VDAC1: variants seen among roughly 807,000 people sequenced by gnomAD.
VDAC1 encodes voltage dependent anion channel 1, also known as non-selective voltage-gated ion channel VDAC1.
A neutral mutation model predicts 34.7 loss-of-function variants in VDAC1; 10 were observed. The ratio of observed to expected loss-of-function variants is 0.29; its 90% CI spans 0.18 to 0.49. The LOEUF (loss-of-function observed/expected upper bound fraction) is 0.49. Ranked by LOEUF, VDAC1 falls within the 20% of genes least tolerant of loss-of-function variation. The probability of loss-of-function intolerance (pLI) is 0.99; values close to 1 mark genes in which losing one functional copy is unlikely to be tolerated. For synonymous variants in VDAC1, 130 were observed against 136.0 expected, an observed-to-expected ratio of 0.96 and a Z score of 0.30; for missense variants, 230 against 347.9, an observed-to-expected ratio of 0.66 and a Z score of 2.69.
the VDAC1 span, among the ~76,000 whole-genome samples, chr5:134,010,010 C>T: frequency 6.6e-6 from 1 of 152,162 alleles, no homozygotes; most frequent in Non-Finnish European, 1.5e-5. Context: ...GGACATAATA[C>T]CTTGATTATA....
the VDAC1 span, among the ~76,000 whole-genome samples, chr5:134,022,530 C>A: frequency 6.6e-6 from 1 of 152,184 alleles, no homozygotes; most frequent in Non-Finnish European, 1.5e-5. Context: ...TGGCATTAAT[C>A]CAATCATGAG....
the VDAC1 span, among the ~76,000 whole-genome samples, chr5:134,027,069 G>A: frequency 6.6e-6 from 1 of 152,154 alleles, no homozygotes; most frequent in Non-Finnish European, 1.5e-5. Context: ...ACTGGCACCT[G>A]CCAGGTGGTG....
At chr5:134,055,588 G>GTTTTTTTTTTTTTTTTTTTTTTTTTTT in the VDAC1 span, among the ~76,000 whole-genome samples, 1 of 59,616 alleles carries the variant, frequency 1.7e-5, no homozygotes, top group South Asian at 1.0e-3. Context: ...CCCCGCTAAT[G>GTTTTTTTTTTTTTTTTTTTTTTTTTTT]TTTTTTTTTT....
At chr5:134,005,914 G>C (rs1753738769), upstream of VDAC1, among the ~76,000 whole-genome samples, 1 of 152,236 alleles carries the variant, frequency 6.6e-6, no homozygotes, top group African/African-American at 2.4e-5. Flanking sequence ...TACAGAATCA[G>C]GACACTCCTC....
At chr5:134,021,072 GTGGGAGGATCACCTGAGCCC>G in the VDAC1 span, among the ~76,000 whole-genome samples, 5 of 151,934 alleles carry the variant, frequency 3.3e-5, no homozygotes, top group Admixed American at 6.6e-5. Context: ...GGAAGCTGAA[GTGGGAGGATCACCTGAGCCC>G]TGGGAGGATC....
At chr5:134,067,390 A>G in the VDAC1 span, among the ~76,000 whole-genome samples, 17 of 134,794 alleles carry the variant, frequency 1.3e-4, no homozygotes, top group African/African-American at 4.8e-4. Context: ...AAATGTTCTT[A>G]TCTTTATTTT....
chr5:134,104,551 TG>T, the VDAC1 span, among the ~76,000 whole-genome samples: 5 of 152,286 alleles, frequency 3.3e-5, no homozygotes, highest in East Asian at 7.7e-4. Flanking sequence ...TCAGGCCTGC[TG>T]GGGGTAGGGA....
the VDAC1 span, among the ~76,000 whole-genome samples, chr5:134,035,017 G>A: frequency 6.6e-6 from 1 of 151,990 alleles, no homozygotes; most frequent in Admixed American, 6.6e-5. Flanking sequence ...TCCTAGCTCT[G>A]TCCACCGAGA....
chr5:134,086,706 C>T, the VDAC1 span, among the ~76,000 whole-genome samples: 2 of 152,230 alleles, frequency 1.3e-5, no homozygotes, highest in Admixed American at 1.3e-4. Context: ...CCTTCCCCTT[C>T]CCCTTCTCCT....
the VDAC1 span, among the ~76,000 whole-genome samples, chr5:134,021,206 A>T: frequency 7.3e-3 from 1,112 of 151,328 alleles, 13 homozygotes; most frequent in African/African-American, 0.026. Flanking sequence ...TTATTATTAT[A>T]CTTTAAGTTT....
chr5:134,003,320 T>G (rs955942559), intron 1 of VDAC1, among the ~76,000 whole-genome samples: 3 of 152,070 alleles, frequency 2.0e-5, no homozygotes, highest in African/African-American at 7.2e-5. Context: ...CCTGCCTCAG[T>G]GGAGAAGTTT....
chr5:134,072,930 A>C, the VDAC1 span, among the ~76,000 whole-genome samples: 2 of 152,208 alleles, frequency 1.3e-5, no homozygotes, highest in African/African-American at 2.4e-5. Flanking sequence ...TGTTGTGTAA[A>C]CAGCTCGCTG....
chr5:133,982,820 G>A (rs1355805599), intron 5 of VDAC1, among the ~76,000 whole-genome samples: 2 of 150,840 alleles, frequency 1.3e-5, no homozygotes, highest in Non-Finnish European at 2.9e-5. Flanking sequence ...AACCCAGGAG[G>A]TGGAGGTTGC....
At chr5:133,980,402 T>C (rs2126920259) in intron 6 of VDAC1, among the ~76,000 whole-genome samples, 1 of 152,246 alleles carries the variant, frequency 6.6e-6, no homozygotes, top group East Asian at 1.9e-4. Flanking sequence ...AGCTGTTTTG[T>C]TAACTAAAAC....
At chr5:134,083,185 TTTTTC>T in the VDAC1 span, among the ~76,000 whole-genome samples, 1 of 147,180 alleles carries the variant, frequency 6.8e-6, no homozygotes, top group African/African-American at 2.7e-5. Context: ...TTTTTCTTTT[TTTTTC>T]TTTTTTTTTT....
At chr5:134,078,213 G>T in the VDAC1 span, among the ~76,000 whole-genome samples, 1 of 152,212 alleles carries the variant, frequency 6.6e-6, no homozygotes, top group African/African-American at 2.4e-5. Context: ...CCTCAAAGAG[G>T]CTAGAGATGC....
the VDAC1 span, among the ~76,000 whole-genome samples, chr5:134,071,844 T>C: frequency 6.6e-6 from 1 of 152,078 alleles, no homozygotes; most frequent in Non-Finnish European, 1.5e-5. This position sits in a 1 kb window ranked among gnomAD's most constrained non-coding sequence, Gnocchi z 4.1. Flanking sequence ...AATGCTGACA[T>C]AATGGTCACA....
intron 1 of VDAC1, among the ~76,000 whole-genome samples, chr5:133,999,573 G>A (rs1753460087): frequency 6.6e-6 from 1 of 152,138 alleles, no homozygotes; most frequent in African/African-American, 2.4e-5. Flanking sequence ...GTTTAGGGAA[G>A]AATGAAGTCG....
the VDAC1 span, among the ~76,000 whole-genome samples, chr5:134,020,407 G>T: frequency 9.2e-5 from 14 of 151,714 alleles, no homozygotes; most frequent in Non-Finnish European, 1.9e-4. Context: ...TGTGCTAAAG[G>T]CTCCTCCCCA....
Sources: allele counts gnomAD v4.1 joint callset (sites outside exome capture counted in the v4.1 genomes callset), GRCh38; gene constraint gnomAD v4.1.1; non-coding constraint Gnocchi (gnomAD v3.1); transcripts MANE v1.5; gene names NCBI Gene and HGNC (gene_info 2026-07-23, HGNC 2026-07-21).